PDXDC1: variants seen among roughly 807,000 people sequenced by gnomAD.
The protein encoded by PDXDC1 is pyridoxal-dependent decarboxylase domain-containing protein 1.
In PDXDC1, 42 loss-of-function variants were observed where a neutral mutation model predicts 100.1. That is an observed-to-expected ratio of 0.42 (90% CI 0.33 to 0.54). The LOEUF is 0.54. PDXDC1 is among the 20% of genes least tolerant of loss of function. PDXDC1 has a pLI of 0.10. For missense variants in PDXDC1, 636 were observed against 979.2 expected, an observed-to-expected ratio of 0.65 and a Z score of 4.68; for synonymous variants, 260 against 371.7, an observed-to-expected ratio of 0.70 and a Z score of 3.46.
At chr16:15,142,180 G>T (rs1308155656), downstream of PDXDC1, among the ~76,000 whole-genome samples, 1 of 152,146 alleles carries the variant, frequency 6.6e-6, no homozygotes, top group African/African-American at 2.4e-5. Context: ...AGTGGCTGCT[G>T]CTGGGAGCTG....
intron 1 of PDXDC1, among the ~76,000 whole-genome samples, chr16:14,985,456 T>A (rs1388448029): frequency 6.6e-6 from 1 of 152,222 alleles, no homozygotes; most frequent in African/African-American, 2.4e-5. Flanking sequence ...CCTGGCTAAT[T>A]TTTTGTATTT....
intron 13 of PDXDC1, chr16:15,025,264 G>T (rs1268540024): frequency 1.3e-5 from 2 of 152,370 alleles, no homozygotes; most frequent in Non-Finnish European, 2.9e-5. Flanking sequence ...TTCAAAGAAA[G>T]AAAAGATGAT....
At chr16:14,990,119 C>T in intron 1 of PDXDC1, 2 of 1,468,088 alleles carry the variant, frequency 1.4e-6, no homozygotes, top group East Asian at 3.3e-5. Flanking sequence ...AGCTGCTCGA[C>T]AGCAGTCCCG....
Position 15,104,451 on chromosome 16 carries a change from G to A in PDXDC1, c.1400-34428G>A, listed in dbSNP as rs753617381. 22 of 1,174,642 alleles carry A rather than the reference G, an allele frequency of 1.9e-5. No individual in the cohort carries two copies. The African/African-American group carries it at 3.5e-4, about 19-fold the overall frequency. The allele number at this position is 1,174,642 out of a possible 1,614,324, so 72.8% of individuals were successfully genotyped here. ...TCCGCTGAGGGTGGAGCTGAGGGTG[G>A]AAGGGGAGTGAGCAGACACACTCGG... On this transcript the variant is annotated intron_variant, in intron 16 of 16. Coordinates refer to the PDXDC1 transcript ENST00000535621.
downstream of PDXDC1, among the ~76,000 whole-genome samples, chr16:15,139,762 C>CA (rs1239948324): frequency 6.6e-6 from 1 of 151,606 alleles, no homozygotes; most frequent in African/African-American, 2.4e-5. Flanking sequence ...GCCTGGGCGA[C>CA]AGAGCAAGAC....
intron 2 of PDXDC1, among the ~76,000 whole-genome samples, chr16:14,998,032 TTCTG>T (rs1360356624): frequency 6.6e-5 from 10 of 152,296 alleles, no homozygotes; most frequent in East Asian, 1.9e-4. Context: ...TACTATTTAA[TTCTG>T]TCTATTAAGA....
intron 16 of PDXDC1, 143 bp from the exon 17 acceptor site, chr16:15,031,592 G>A (rs2043068470): frequency 1.6e-6 from 1 of 625,356 alleles, no homozygotes; most frequent in East Asian, 2.7e-5. Context: ...TGTGTTGAGG[G>A]CCTTTTTTTG....
At chr16:15,146,565 TGAG>T in the PDXDC1 span, among the ~76,000 whole-genome samples, 62 of 152,226 alleles carry the variant, frequency 4.1e-4, 1 homozygote, top group Non-Finnish European at 7.6e-4. Context: ...CCGGGTCTTG[TGAG>T]CCCCTACAGC....
chr16:15,070,155 ATG>A (rs1489144418), intron 16 of PDXDC1: 1 of 1,609,410 alleles, frequency 6.2e-7, no homozygotes, highest in African/African-American at 1.3e-5. Flanking sequence ...AAAATGGTCC[ATG>A]GAGAGCAACA....
rs761154381 is a variant in PDXDC1, at chr16:15,086,229, T to A, written c.1400-52650T>A. 21 of 1,585,874 alleles carry A rather than the reference T, an allele frequency of 1.3e-5. No individual in the cohort carries two copies. The African/African-American group carries it at 2.8e-4, about 21-fold the overall frequency. ...GAAAAGCCAAATACTCTTCCACTAC[T>A]GTTTGACTTCTATTCAACCAAGGCA... On this transcript the variant is annotated intron_variant, in intron 16 of 16. Transcript: ENST00000535621.
At chr16:15,031,325 C>A (rs913214664) in intron 16 of PDXDC1, among the ~76,000 whole-genome samples, 2 of 152,098 alleles carry the variant, frequency 1.3e-5, no homozygotes, top group East Asian at 3.9e-4. Flanking sequence ...TCACCATCTC[C>A]CTGTCCTTCC....
intron 20 of PDXDC1, 25 bp downstream of exon 20, chr16:15,034,403 C>G (rs781535719): frequency 1.2e-6 from 2 of 1,613,136 alleles, no homozygotes; most frequent in Admixed American, 1.7e-5. Flanking sequence ...GGGCAGCAGG[C>G]TGGGGGAGCC....
intron 16 of PDXDC1, chr16:15,072,929 G>C (rs752555884): frequency 6.2e-7 from 1 of 1,611,666 alleles, no homozygotes; most frequent in Non-Finnish European, 8.5e-7. Context: ...CTAAGATAAT[G>C]TTAATCACAT....
intron 16 of PDXDC1, among the ~76,000 whole-genome samples, chr16:15,058,429 A>T (rs923381715): frequency 6.6e-6 from 1 of 152,238 alleles, no homozygotes; most frequent in Non-Finnish European, 1.5e-5. Context: ...ATATTTTTTA[A>T]ATTACACTTT....
chr16:15,132,911 G>A, intron 16 of PDXDC1: 2 of 1,586,644 alleles, frequency 1.3e-6, no homozygotes, highest in Non-Finnish European at 1.7e-6. Flanking sequence ...TGTCAGCAGG[G>A]CAGGAGACCG....
At chr16:15,028,088 A>G (rs1427594211) in intron 14 of PDXDC1, among the ~76,000 whole-genome samples, 1 of 152,252 alleles carries the variant, frequency 6.6e-6, no homozygotes, top group African/African-American at 2.4e-5. Flanking sequence ...AGGCTCTCCC[A>G]TGCCCCATGA....
chr16:15,142,662 T>G (rs976891075), downstream of PDXDC1, among the ~76,000 whole-genome samples: 1 of 152,062 alleles, frequency 6.6e-6, no homozygotes, highest in Non-Finnish European at 1.5e-5. Flanking sequence ...CTCCCGTACT[T>G]TTCCACGTCT....
At chr16:15,102,874 G>A (rs1346726146) in intron 16 of PDXDC1, among the ~76,000 whole-genome samples, 1 of 149,634 alleles carries the variant, frequency 6.7e-6, no homozygotes, top group Non-Finnish European at 1.5e-5. Flanking sequence ...GGAAGTTCAA[G>A]GCTAAAGTGA....
chr16:15,080,513 C>T (rs2045655122), intron 16 of PDXDC1, among the ~76,000 whole-genome samples: 1 of 152,218 alleles, frequency 6.6e-6, no homozygotes. Flanking sequence ...TAGCTCACTG[C>T]AACCCTGAAT....
Sources: gnomAD v4.1 joint callset for allele counts (sites outside exome capture counted in the v4.1 genomes callset) on GRCh38, gnomAD v4.1.1 for gene constraint, MANE v1.5 for transcripts, NCBI Gene and HGNC (gene_info 2026-07-23, HGNC 2026-07-21) for gene names.